The following WNT6 variants were observed in gnomAD, a reference collection of about 807,000 sequenced individuals.
WNT6 encodes protein Wnt-6.
Under a neutral mutation model 33.1 loss-of-function variants are expected in WNT6, and 27 were observed. The ratio of observed to expected loss-of-function variants is 0.82; its 90% CI spans 0.60 to 1.12. The LOEUF is 1.12. WNT6 is among the 50% of genes most tolerant of loss of function. The probability of loss-of-function intolerance (pLI) is 0.00; values close to 1 mark genes in which losing one functional copy is unlikely to be tolerated. For missense variants in WNT6, 494 were observed against 535.3 expected, an observed-to-expected ratio of 0.92 and a Z score of 0.76; for synonymous variants, 249 against 242.8, an observed-to-expected ratio of 1.03 and a Z score of -0.24.
At chr2:218,866,652 A>T (rs1483657144) in intron 1 of WNT6, among the ~76,000 whole-genome samples, 1 of 152,104 alleles carries the variant, frequency 6.6e-6, no homozygotes, top group East Asian at 1.9e-4. Flanking sequence ...TTGACAGTTG[A>T]AGAAACTGAG....
intron 1 of WNT6, 137 bp downstream of exon 1, chr2:218,860,254 T>C (rs1256334408): frequency 1.3e-6 from 1 of 790,634 alleles, no homozygotes; most frequent in Admixed American, 4.1e-5. Context: ...GCCGGGGGCG[T>C]TTCTGAACTC....
At chr2:218,868,377 G>A (rs1382336325) in intron 1 of WNT6, among the ~76,000 whole-genome samples, 1 of 152,180 alleles carries the variant, frequency 6.6e-6, no homozygotes, top group Non-Finnish European at 1.5e-5. Flanking sequence ...AGAGGAGAAG[G>A]ATGGGGCAGA....
rs766635655 is a variant in WNT6, at chr2:218,871,082, C to T, written c.136C>T (p.Arg46Trp). 5.6e-6 allele frequency: 9 copies of T among 1,613,440 alleles called. No homozygotes were observed. The highest frequency in any genetic ancestry group is 4.4e-5 in the South Asian group (4 of 91,008). The change falls in exon 2 of 4, where the codon CGG (arginine) becomes TGG (tryptophan). Residue 46 changes from arginine (R) to tryptophan (W), a missense_variant. Transcript: ENST00000233948. The surrounding 1 kb of genome is among the most constrained non-coding windows in gnomAD (Gnocchi z 6.4). ...DPTSICRKAR[R>W]LAGRQAELCQ... ...TACCAGCATCTGCAGGAAGGCACGG[C>T]GGCTGGCCGGGCGGCAGGCCGAGTT... is the stretch of plus-strand genomic sequence containing the variant.
chr2:218,870,118 G>A (rs887823426), intron 1 of WNT6, among the ~76,000 whole-genome samples: 1 of 152,056 alleles, frequency 6.6e-6, no homozygotes, highest in Non-Finnish European at 1.5e-5. Flanking sequence ...CTATTTGGGA[G>A]GCTGAGGCAT....
chr2:218,873,241 C>A lies in WNT6; in HGVS notation c.637-143C>A. On this transcript the variant is annotated intron_variant, in intron 3 of 3. Transcript: ENST00000233948. The surrounding 1 kb of genome is among the most constrained non-coding windows in gnomAD (Gnocchi z 6.1). The stretch of plus-strand genomic sequence containing the variant: ...AGTTGTCCTTTCCTTGATTTCCTCC[C>A]CCTGAACTTGCGGTCTCCTTTTGTC... The A allele has an allele frequency of 1.3e-6, 1 of 773,476 alleles. No homozygotes were observed. The highest frequency in any genetic ancestry group is 2.0e-6 in the Non-Finnish European group (1 of 494,166). The allele number at this position is 773,476 out of a possible 1,614,324, so 47.9% of individuals were successfully genotyped here.
At chr2:218,870,480 G>A (rs1166081702) in intron 1 of WNT6, among the ~76,000 whole-genome samples, 1 of 152,176 alleles carries the variant, frequency 6.6e-6, no homozygotes, top group African/African-American at 2.4e-5. Flanking sequence ...TTCCCTAGCC[G>A]TTCCAACATC....
Position 218,871,999 on chromosome 2 carries a change from G to A in WNT6, c.636+180G>A, listed in dbSNP as rs1014565538. On this transcript the variant is annotated intron_variant, in intron 3 of 3. Transcript: ENST00000233948. This position sits in a 1 kb window ranked among gnomAD's most constrained non-coding sequence, Gnocchi z 6.4. The stretch of plus-strand genomic sequence containing the variant: ...CATGGATGGACATGTGGGAGGAGAG[G>A]TGTCCAGCCTCCAAGAAGGAGTCAC... Among the ~76,000 whole-genome samples, 2 of 151,896 alleles carry A rather than the reference G, an allele frequency of 1.3e-5. No homozygotes were observed. The highest frequency in any genetic ancestry group is 6.6e-5 in the Admixed American group (1 of 15,244).
chr2:218,861,869 A>G (rs1438735309), intron 1 of WNT6, among the ~76,000 whole-genome samples: 2 of 152,158 alleles, frequency 1.3e-5, no homozygotes, highest in African/African-American at 4.8e-5. Flanking sequence ...TGGTTACTGC[A>G]TTTGGCTGAC....
chr2:218,862,015 G>A (rs1944313944), intron 1 of WNT6, among the ~76,000 whole-genome samples: 1 of 152,148 alleles, frequency 6.6e-6, no homozygotes. Flanking sequence ...CACCTTTCTG[G>A]GCTCTGTATC....
intron 1 of WNT6, 35 bp from the exon 2 acceptor site, chr2:218,870,992 G>A (rs1301318618): frequency 9.1e-6 from 14 of 1,541,874 alleles, no homozygotes; most frequent in African/African-American, 5.5e-5. Flanking sequence ...CCTTTTTTGG[G>A]TTACACCCCT....
At chr2:218,866,806 C>A (rs1035008697) in intron 1 of WNT6, among the ~76,000 whole-genome samples, 4 of 152,166 alleles carry the variant, frequency 2.6e-5, no homozygotes, top group African/African-American at 9.7e-5. Flanking sequence ...AAACCCTGAG[C>A]GTACTCCATG....
intron 1 of WNT6, among the ~76,000 whole-genome samples, chr2:218,864,020 G>A (rs1486162759): frequency 1.3e-5 from 2 of 152,150 alleles, no homozygotes; most frequent in Non-Finnish European, 2.9e-5. Context: ...CTATCCTGTG[G>A]CCCTGACAGA....
rs1944406025 is a variant in WNT6, at chr2:218,871,912, G to A, written c.636+93G>A. The A allele has an allele frequency of 3.9e-6, 3 of 771,622 alleles. No individual in the cohort carries two copies. The highest frequency in any genetic ancestry group is 5.3e-6 in the Non-Finnish European group (3 of 563,504). The allele number at this position is 771,622 out of a possible 1,614,324, so 47.8% of individuals were successfully genotyped here. ...GAAGTGTTGGCAGGAGTGAGGGTGT[G>A]TAGGTGGAGGGGGGCGTTAATGTGT... is the stretch of plus-strand genomic sequence containing the variant. On this transcript the variant is annotated intron_variant, in intron 3 of 3. Coordinates refer to ENST00000233948, the MANE Select transcript of WNT6 (RefSeq NM_006522.4). The surrounding 1 kb of genome is among the most constrained non-coding windows in gnomAD (Gnocchi z 6.4).
At chr2:218,862,865 C>A (rs564240000) in intron 1 of WNT6, among the ~76,000 whole-genome samples, 1 of 151,322 alleles carries the variant, frequency 6.6e-6, no homozygotes, top group East Asian at 2.0e-4. Flanking sequence ...CCACCATGCC[C>A]AGCTAAATTT....
In WNT6 at chr2:218,873,386, C is replaced by A. The variant is rs1488229667; in HGVS notation, c.639C>A (p.Ala213=). The A allele has an allele frequency of 1.3e-6, 2 of 1,534,202 alleles. No individual in the cohort carries two copies. Among genetic ancestry groups the A allele is most frequent in the Non-Finnish European group, 1.7e-6 (2 of 1,145,488 alleles). Residue 213 remains alanine (A), a splice_region_variant and synonymous_variant, in exon 4 of 4, where the codon GCC becomes GCA. Coordinates refer to ENST00000233948, the MANE Select transcript of WNT6 (RefSeq NM_006522.4). The surrounding 1 kb of genome is among the most constrained non-coding windows in gnomAD (Gnocchi z 6.1). The part of the protein sequence containing the change: ...QLHNNEAGRL[A]VRSHTRTECK... ...GTCCGCCCCTCTGCCTCCCGCAGGCCGTGCGGAGCCACACGCGCACCGAGT... is the reference window on the plus strand; with the variant it reads ...GTCCGCCCCTCTGCCTCCCGCAGGCAGTGCGGAGCCACACGCGCACCGAGT...
rs1944418466 is a variant in WNT6 at position 218,873,141 on chromosome 2, A to G, written c.637-243A>G. 6.6e-6 allele frequency among the ~76,000 whole-genome samples: 1 copy of G among 151,240 alleles called. No individual in the cohort carries two copies. The highest frequency in any genetic ancestry group is 2.4e-5 in the African/African-American group (1 of 41,012). Reference sequence around the variant, plus strand: ...TTGGACCCTGGAATCTCTGCGCTGCATATTGTCCCCGTCTCCCCTCTTCGT... The same window carrying G: ...TTGGACCCTGGAATCTCTGCGCTGCGTATTGTCCCCGTCTCCCCTCTTCGT... On this transcript the variant is annotated intron_variant, in intron 3 of 3. Transcript: ENST00000233948. This position sits in a 1 kb window ranked among gnomAD's most constrained non-coding sequence, Gnocchi z 6.1.
At chr2:218,865,932 G>A (rs1944350632) in intron 1 of WNT6, among the ~76,000 whole-genome samples, 5 of 151,836 alleles carry the variant, frequency 3.3e-5, no homozygotes, top group Admixed American at 2.6e-4. Context: ...GGAATGGGGT[G>A]GCTGGGGGGG....
chr2:218,872,134 CA>C (rs1405022000), intron 3 of WNT6, among the ~76,000 whole-genome samples: 2 of 152,076 alleles, frequency 1.3e-5, no homozygotes, highest in East Asian at 1.9e-4. Context: ...AGAGAGGGCA[CA>C]GCTTCAAGAC....
At position 218,873,549 on chromosome 2, in the gene WNT6, G is replaced by A. The variant is rs767256680; in HGVS notation, c.802G>A (p.Ala268Thr). The A allele has an allele frequency of 1.3e-6, 2 of 1,537,216 alleles. No homozygotes were observed. Among genetic ancestry groups the A allele is most frequent in the Non-Finnish European group, 1.7e-6 (2 of 1,145,734 alleles). The change falls in exon 4 of 4, where the codon GCC (alanine) becomes ACC (threonine). Residue 268 changes from alanine (A) to threonine (T), a missense_variant. Physicochemically the swap from Ala to Thr is moderately conservative, Grantham distance 58. Coordinates refer to ENST00000233948, the MANE Select transcript of WNT6 (RefSeq NM_006522.4). The surrounding 1 kb of genome is among the most constrained non-coding windows in gnomAD (Gnocchi z 6.1). ...CGTCATGGGCACCAACGACGGCAAG[G>A]CCCTGCTGCCCGCCGTCCGCACGCT... is the stretch of plus-strand genomic sequence containing the variant. ...SRVMGTNDGKALLPAVRTLKP... is the reference protein window; with the variant it reads ...SRVMGTNDGKTLLPAVRTLKP...
Sources: allele counts gnomAD v4.1 joint callset (sites outside exome capture counted in the v4.1 genomes callset), GRCh38; gene constraint gnomAD v4.1.1; non-coding constraint Gnocchi (gnomAD v3.1); transcripts MANE v1.5; gene names NCBI Gene and HGNC (gene_info 2026-07-23, HGNC 2026-07-21).